COL27A1: variants seen among roughly 807,000 people sequenced by gnomAD.
COL27A1 encodes collagen type XXVII alpha 1 chain.
COL27A1 carries 106 observed loss-of-function variants against 251.3 expected under a neutral mutation model. That is an observed-to-expected ratio of 0.42 (90% CI 0.36 to 0.50). The LOEUF is 0.50. COL27A1 is among the 20% of genes least tolerant of loss of function. The pLI is 0.00. For missense variants in COL27A1, 2,325 were observed against 2,522.8 expected, an observed-to-expected ratio of 0.92 and a Z score of 1.68; for synonymous variants, 1,000 against 986.3, an observed-to-expected ratio of 1.01 and a Z score of -0.26.
At chr9:114,287,925 C>T (rs1299397690) in intron 41 of COL27A1, among the ~76,000 whole-genome samples, 2 of 152,052 alleles carry the variant, frequency 1.3e-5, no homozygotes, top group South Asian at 2.1e-4. Context: ...CACTGCACTG[C>T]GGATGTCATG....
chr9:114,265,098 G>C lies in COL27A1; in HGVS notation c.3327G>C (p.Ser1109=), dbSNP rs201604319. The C allele has an allele frequency of 3.4e-5, 55 of 1,604,660 alleles. No individual in the cohort carries two copies. The highest frequency in any genetic ancestry group is 4.5e-5 in the Non-Finnish European group (53 of 1,174,990). Residue 1109 remains serine, a synonymous_variant, in exon 31 of 61, where the codon TCG becomes TCC. Coordinates refer to ENST00000356083, the MANE Select transcript of COL27A1 (RefSeq NM_032888.4). ...CTGGTGAGCGAGGCCACTTGGGCTCGAGAGGCTTTCCTGTAAGTAGCACCA... is the reference window on the plus strand; with the variant it reads ...CTGGTGAGCGAGGCCACTTGGGCTCCAGAGGCTTTCCTGTAAGTAGCACCA... ...GVAGERGHLG[S]RGFPGIPGPS...
At chr9:114,161,021 G>A (rs934301893) in intron 1 of COL27A1, among the ~76,000 whole-genome samples, 4 of 152,178 alleles carry the variant, frequency 2.6e-5, no homozygotes, top group Admixed American at 1.3e-4. Flanking sequence ...TAGTTTAAAC[G>A]ATAAGGGGGG....
At position 114,211,030 on chromosome 9, in the gene COL27A1, A is replaced by G. The variant is rs903312465; in HGVS notation, c.2367+4A>G. ...GAGGGGCAAGATGGGTATGCCGGTA[A>G]AGATTTTCCGTGTCTATTACGCAGA... On this transcript the variant is annotated splice_donor_region_variant and intron_variant, in intron 12 of 60. Coordinates refer to ENST00000356083, the MANE Select transcript of COL27A1 (RefSeq NM_032888.4). 1.2e-6 allele frequency: 2 copies of G among 1,614,038 alleles called. No individual in the cohort carries two copies. The highest frequency in any genetic ancestry group is 1.3e-5 in the African/African-American group (1 of 74,940).
chr9:114,240,461 G>T lies in COL27A1; in HGVS notation c.2809G>T (p.Gly937Ter), dbSNP rs1832681636. 1.9e-6 allele frequency: 3 copies of T among 1,612,504 alleles called. No homozygotes were observed. The highest frequency in any genetic ancestry group is 2.5e-6 in the Non-Finnish European group (3 of 1,179,892). The part of the protein sequence containing the change: ...KGKPGARGLP[G>*]PRGQLGPEGD... ...TAAGCCTGGAGCCCGAGGCCTGCCG[G>T]GACCCCGTGGGCAGCTGGGGCCCGA... Residue 937 changes from glycine to a stop codon, truncating the protein, a stop_gained, in exon 21 of 61, where the codon GGA becomes TGA. Transcript: ENST00000356083. LOFTEE classifies it high-confidence loss of function.
At chr9:114,217,104 C>A (rs986227348) in intron 12 of COL27A1, among the ~76,000 whole-genome samples, 12 of 152,214 alleles carry the variant, frequency 7.9e-5, no homozygotes, top group Admixed American at 4.6e-4. Flanking sequence ...GGTGGTCACG[C>A]TGTTGGGGTT....
intron 32 of COL27A1, 98 bp downstream of exon 32, chr9:114,265,573 T>C: frequency 8.0e-7 from 1 of 1,254,044 alleles, no homozygotes; most frequent in Non-Finnish European, 1.1e-6. Flanking sequence ...AAAGGGACCA[T>C]GCCTGGCCTC....
chr9:114,240,485 G>A lies in COL27A1; in HGVS notation c.2833G>A (p.Glu945Lys), dbSNP rs552697357. The A allele has an allele frequency of 5.2e-5, 83 of 1,610,004 alleles. No homozygotes were observed. The highest frequency in any genetic ancestry group is 6.4e-5 in the Non-Finnish European group (75 of 1,179,702). Residue 945 changes from glutamate (E) to lysine (K), a missense_variant and splice_region_variant, in exon 21 of 61, where the codon GAG (glutamate) becomes AAG (lysine). Glu to Lys is a moderately conservative substitution (Grantham distance 56, BLOSUM62 1). Transcript: ENST00000356083. ...GGGACCCCGTGGGCAGCTGGGGCCCGAGGTGAGACTGTCTGGCCCCCTCCA... is the reference window on the plus strand; with the variant it reads ...GGGACCCCGTGGGCAGCTGGGGCCCAAGGTGAGACTGTCTGGCCCCCTCCA... ...LPGPRGQLGP[E>K]GDEGPMGPPG... is the part of the protein sequence containing the mutation.
chr9:114,167,538 C>T (rs1435852275), intron 2 of COL27A1, 151 bp from the exon 3 acceptor site: 1 of 690,464 alleles, frequency 1.4e-6, no homozygotes, highest in Non-Finnish European at 2.5e-6. Context: ...CAGCCACCAC[C>T]ATGGGGCGGT....
rs529403483 is a variant in COL27A1, at chr9:114,265,403, C to A, written c.3340-19C>A. 1.2e-6 allele frequency: 2 copies of A among 1,613,162 alleles called. No homozygotes were observed. The highest frequency in any genetic ancestry group is 1.3e-5 in the African/African-American group (1 of 75,052). ...AAGGCCATGGAGGGCCTAAGGTCAC[C>A]TTTACCTTGTCTCTGCAGGGCATCC... On this transcript the variant is annotated intron_variant, in intron 31 of 60. Coordinates refer to ENST00000356083, the MANE Select transcript of COL27A1 (RefSeq NM_032888.4).
At chr9:114,170,308 C>T (rs571480020) in intron 3 of COL27A1, among the ~76,000 whole-genome samples, 10 of 152,320 alleles carry the variant, frequency 6.6e-5, no homozygotes, top group South Asian at 2.1e-4. Context: ...TCGATGCCTC[C>T]GGCTTGCCTG....
chr9:114,284,724 G>T lies in COL27A1; in HGVS notation c.3934G>T (p.Gly1312Ter). The change falls in exon 41 of 61, where the codon GGA (glycine) becomes TGA (stop). Residue 1312 changes from glycine (G) to a stop codon, truncating the protein, a stop_gained and splice_region_variant. Coordinates refer to ENST00000356083, the MANE Select transcript of COL27A1 (RefSeq NM_032888.4). LOFTEE classifies it high-confidence loss of function. ...QGEPGLAGYD[G>*]HKGIVGPLGP... ...TTCCCTCCTTCTTGTTTGCCTGCAG[G>T]GACACAAAGGCATTGTGGGACCCCT... 6.2e-7 allele frequency: 1 copy of T among 1,614,170 alleles called. No individual in the cohort carries two copies. Among genetic ancestry groups the T allele is most frequent in the South Asian group, 1.1e-5 (1 of 91,082 alleles).
intron 48 of COL27A1, among the ~76,000 whole-genome samples, chr9:114,291,376 G>A (rs531717657): frequency 6.6e-6 from 1 of 152,274 alleles, no homozygotes; most frequent in East Asian, 1.9e-4. Context: ...GGTTTAATTG[G>A]GGGAAAGATT....
At position 114,237,193 on chromosome 9, in the gene COL27A1, A is replaced by G. The variant is rs144888969; in HGVS notation, c.2673+159A>G. On this transcript the variant is annotated intron_variant, in intron 18 of 60. Transcript: ENST00000356083. ...CAGGAATGGGATGTGCTCATTTCAC[A>G]GATGAGGATACTGTGAGAGGCTCAG... Among the ~76,000 whole-genome samples the G allele has an allele frequency of 7.7e-4, 118 of 152,350 alleles. 2 individuals carry two copies. The East Asian group carries it at 0.018, about 23-fold the overall frequency.
chr9:114,231,214 C>T (rs1002394648), intron 15 of COL27A1, 82 bp downstream of exon 15: 3 of 1,309,686 alleles, frequency 2.3e-6, no homozygotes, highest in African/African-American at 2.9e-5. Flanking sequence ...GGAAGGGTGA[C>T]CTTAGATGAT....
intron 3 of COL27A1, among the ~76,000 whole-genome samples, chr9:114,173,605 A>G (rs970181344): frequency 8.6e-5 from 13 of 151,892 alleles, no homozygotes; most frequent in Non-Finnish European, 5.9e-5. Context: ...TTGGCAAATC[A>G]CTTAACCTCT....
chr9:114,230,137 A>G (rs1831836548), intron 14 of COL27A1, among the ~76,000 whole-genome samples: 1 of 151,822 alleles, frequency 6.6e-6, no homozygotes. Context: ...TCACACAATG[A>G]GTGAGTCCCA....
chr9:114,241,685 C>A (rs1434543112), intron 21 of COL27A1, among the ~76,000 whole-genome samples: 4 of 152,226 alleles, frequency 2.6e-5, no homozygotes, highest in African/African-American at 9.6e-5. Context: ...TCACCAAACA[C>A]CCCTTAGACA....
intron 2 of COL27A1, among the ~76,000 whole-genome samples, chr9:114,164,835 G>A (rs1848721547): frequency 6.6e-6 from 1 of 152,218 alleles, no homozygotes; most frequent in African/African-American, 2.4e-5. Context: ...AGACAGATGG[G>A]AGAAAGGATG....
At chr9:114,259,283 C>T (rs1834153832) in intron 28 of COL27A1, among the ~76,000 whole-genome samples, 1 of 152,256 alleles carries the variant, frequency 6.6e-6, no homozygotes, top group East Asian at 1.9e-4. Flanking sequence ...AAAGCCACAG[C>T]TATACTCCAA....
Sources: allele counts gnomAD v4.1 joint callset (sites outside exome capture counted in the v4.1 genomes callset), GRCh38; gene constraint gnomAD v4.1.1; transcripts MANE v1.5; gene names NCBI Gene and HGNC (gene_info 2026-07-23, HGNC 2026-07-21).